The following NFIB variants were observed in gnomAD, a reference collection of about 807,000 sequenced individuals.
The protein encoded by NFIB is nuclear factor 1 B-type.
NFIB carries 11 observed loss-of-function variants against 61.5 expected under a neutral mutation model. The observed-to-expected ratio is 0.18, with a 90% CI of 0.11 to 0.30. The LOEUF (loss-of-function observed/expected upper bound fraction) is 0.30. Ranked by LOEUF, NFIB falls within the 10% of genes least tolerant of loss-of-function variation. NFIB has a pLI of 1.00. For synonymous variants in NFIB, 260 were observed against 216.5 expected (o/e 1.20, Z -1.76); for missense variants, 471 against 608.9 (o/e 0.77, Z 2.38).
intron 2 of NFIB, among the ~76,000 whole-genome samples, chr9:14,298,519 G>C (rs2059571167): frequency 1.3e-5 from 2 of 152,104 alleles, no homozygotes; most frequent in Non-Finnish European, 2.9e-5. Context: ...CCAAATGCCA[G>C]AATACTATGC....
chr9:14,448,186 T>C, the NFIB span, among the ~76,000 whole-genome samples: 1 of 152,186 alleles, frequency 6.6e-6, no homozygotes, highest in Non-Finnish European at 1.5e-5. Flanking sequence ...AAATCAATTC[T>C]TGGGGACTGA....
At chr9:14,456,873 G>A in the NFIB span, among the ~76,000 whole-genome samples, 10 of 152,130 alleles carry the variant, frequency 6.6e-5, no homozygotes, top group Non-Finnish European at 1.5e-4. Context: ...TGTGTGAAAT[G>A]GCAATGGCAA....
the NFIB span, among the ~76,000 whole-genome samples, chr9:14,446,314 C>G: frequency 0.034 from 5,225 of 152,264 alleles, 121 homozygotes; most frequent in Non-Finnish European, 0.049. Context: ...TAGCCATTAT[C>G]TCTTCAGATA....
At chr9:14,395,098 G>C (rs924065339) in intron 1 of NFIB, among the ~76,000 whole-genome samples, 1 of 152,024 alleles carries the variant, frequency 6.6e-6, no homozygotes, top group Non-Finnish European at 1.5e-5. Context: ...CTAGACTGGT[G>C]TCTGGTGGCT....
At chr9:14,391,878 G>T (rs868345010) in intron 1 of NFIB, among the ~76,000 whole-genome samples, 1 of 152,042 alleles carries the variant, frequency 6.6e-6, no homozygotes, top group Non-Finnish European at 1.5e-5. Flanking sequence ...TTGAATAAAC[G>T]TTTACTCACT....
At chr9:14,377,062 C>G (rs776573802) in intron 1 of NFIB, among the ~76,000 whole-genome samples, 2 of 152,120 alleles carry the variant, frequency 1.3e-5, no homozygotes. Context: ...AGATTCTTTC[C>G]CTCCATGAAG....
chr9:14,269,110 C>G (rs993334543), intron 2 of NFIB, among the ~76,000 whole-genome samples: 2 of 151,840 alleles, frequency 1.3e-5, no homozygotes, highest in African/African-American at 2.4e-5. Context: ...GCTCATGTTA[C>G]GAGGTCCTCT....
chr9:14,476,148 C>CCTAATAAAACTCCCTACTCCCTAATAA, the NFIB span, among the ~76,000 whole-genome samples: 38 of 151,842 alleles, frequency 2.5e-4, no homozygotes, highest in African/African-American at 8.9e-4. Context: ...CTCCCTAAAC[C>CCTAATAAAACTCCCTACTCCCTAATAA]AAATATTAGA....
chr9:14,317,246 C>A (rs1419575753), upstream of NFIB: 1 of 152,166 alleles, frequency 6.6e-6, no homozygotes, highest in Non-Finnish European at 1.5e-5. Flanking sequence ...AAGTTTTTCA[C>A]AAGCTTAAAA....
chr9:14,526,715 A>T, the NFIB span, among the ~76,000 whole-genome samples: 1 of 152,226 alleles, frequency 6.6e-6, no homozygotes, highest in Admixed American at 6.5e-5. Flanking sequence ...GATTGACATC[A>T]TTCAGCCATG....
At chr9:14,128,638 T>C (rs10961385) in intron 6 of NFIB, among the ~76,000 whole-genome samples, 43,359 of 148,794 alleles carry the variant, frequency 0.29, 7,695 homozygotes, top group African/African-American at 0.5. Flanking sequence ...GCAGGGGTTG[T>C]AGTGAGCCAA....
At chr9:14,459,616 C>G in the NFIB span, among the ~76,000 whole-genome samples, 1 of 152,074 alleles carries the variant, frequency 6.6e-6, no homozygotes, top group Non-Finnish European at 1.5e-5. Flanking sequence ...GCAATCTACT[C>G]ATCTGACAAA....
chr9:14,245,678 A>G (rs530137088), intron 2 of NFIB, among the ~76,000 whole-genome samples: 60 of 152,192 alleles, frequency 3.9e-4, no homozygotes, highest in Admixed American at 7.9e-4. Context: ...TTCAAGACCA[A>G]CCTGGCCAAC....
the NFIB span, among the ~76,000 whole-genome samples, chr9:14,429,945 G>A: frequency 3.9e-5 from 6 of 152,196 alleles, no homozygotes; most frequent in Non-Finnish European, 8.8e-5. Flanking sequence ...TTCATTGTAT[G>A]ACTAATTTAC....
At chr9:14,329,943 G>A (rs1285808948) in intron 1 of NFIB, among the ~76,000 whole-genome samples, 3 of 151,930 alleles carry the variant, frequency 2.0e-5, no homozygotes, top group Non-Finnish European at 4.4e-5. Context: ...CTAATACGGT[G>A]AAACCCCGTC....
At chr9:14,268,453 A>T (rs571683138) in intron 2 of NFIB, among the ~76,000 whole-genome samples, 1 of 152,230 alleles carries the variant, frequency 6.6e-6, no homozygotes, top group African/African-American at 2.4e-5. Flanking sequence ...CTGATGGTTC[A>T]TGACCCCCAA....
At chr9:14,191,634 G>A (rs2047958683) in intron 2 of NFIB, among the ~76,000 whole-genome samples, 2 of 152,112 alleles carry the variant, frequency 1.3e-5, no homozygotes, top group South Asian at 2.1e-4. Context: ...AATCCAAAGA[G>A]TATGAAAAAA....
the NFIB span, among the ~76,000 whole-genome samples, chr9:14,436,054 T>G: frequency 6.6e-6 from 1 of 152,232 alleles, no homozygotes; most frequent in Non-Finnish European, 1.5e-5. Context: ...CCACATTTAT[T>G]GCATGGCCCT....
chr9:14,377,991 C>G (rs150263628), intron 1 of NFIB, among the ~76,000 whole-genome samples: 255 of 152,294 alleles, frequency 1.7e-3, no homozygotes, highest in African/African-American at 6.0e-3. Flanking sequence ...GTAGTGATCA[C>G]TCTAGTAGTA....
Sources: gnomAD v4.1 joint callset for allele counts (sites outside exome capture counted in the v4.1 genomes callset) on GRCh38, gnomAD v4.1.1 for gene constraint, MANE v1.5 for transcripts, NCBI Gene and HGNC (gene_info 2026-07-23, HGNC 2026-07-21) for gene names.